Variants in DGKA observed in about 807,000 individuals in gnomAD.
DGKA encodes 80 kDa diacylglycerol kinase.
In DGKA, 35 loss-of-function variants were observed where a neutral mutation model predicts 105.0. The ratio of observed to expected loss-of-function variants is 0.33; its 90% CI spans 0.25 to 0.44. The LOEUF is 0.44. Ranked by LOEUF, DGKA falls within the 20% of genes least tolerant of loss-of-function variation. DGKA has a pLI of 1.00. For synonymous variants in DGKA, 296 were observed against 332.0 expected, an observed-to-expected ratio of 0.89 and a Z score of 1.18; for missense variants, 665 against 915.0, an observed-to-expected ratio of 0.73 and a Z score of 3.53.
upstream of DGKA, among the ~76,000 whole-genome samples, chr12:55,928,751 T>C (rs1173806071): frequency 1.4e-5 from 2 of 144,122 alleles, no homozygotes; most frequent in Non-Finnish European, 3.0e-5. Context: ...ATAAGACAAA[T>C]TAGGCCTCAG....
intron 1 of DGKA, chr12:55,935,904 C>T: frequency 1.0e-6 from 1 of 986,356 alleles, no homozygotes; most frequent in African/African-American, 1.7e-5. Flanking sequence ...GAGCTGGGGT[C>T]CCTGGCCAGA....
rs58181967 is a variant in DGKA, at chr12:55,953,554, G to A, written c.2125-131G>A. The A allele has an allele frequency of 3.4e-3, 4,526 of 1,330,350 alleles. 133 individuals are homozygous for A. In the African/African-American group the frequency reaches 0.058, roughly 17 times the overall value. 82.4% of individuals were successfully genotyped at this position (1,330,350 alleles called of 1,614,324 possible). On this transcript the variant is annotated intron_variant, in intron 23 of 23. Coordinates refer to ENST00000331886, the MANE Select transcript of DGKA (RefSeq NM_001345.5). The stretch of plus-strand genomic sequence containing the variant: ...CCTAAACCCTGATTTCTCAGCCCCT[G>A]GTTTCCCTATCGTGGCCTCTCTAGG...
At position 55,953,731 on chromosome 12, in the gene DGKA, C is replaced by T. The variant is rs748281315; in HGVS notation, c.2171C>T (p.Pro724Leu). ...KNQMPMLMGP[P>L]PRSTNFFGFL... ...CAGATGCCCATGCTCATGGGCCCACCCCCCCGCTCCACCAATTTCTTTGGC... is the reference window on the plus strand; with the variant it reads ...CAGATGCCCATGCTCATGGGCCCACTCCCCCGCTCCACCAATTTCTTTGGC... Residue 724 changes from proline (P) to leucine (L), a missense_variant, in exon 24 of 24, where the codon CCC (proline) becomes CTC (leucine). This residue lies in a region of DGKA where 158 missense variants were observed against 213.4 expected (regional missense o/e 0.74). Coordinates refer to ENST00000331886, the MANE Select transcript of DGKA (RefSeq NM_001345.5). 1.2e-6 allele frequency: 2 copies of T among 1,614,172 alleles called. No homozygotes were observed. Among genetic ancestry groups the T allele is most frequent in the East Asian group, 2.2e-5 (1 of 44,876 alleles).
At chr12:55,927,716 G>C, upstream of DGKA, 1 of 1,539,802 alleles carries the variant, frequency 6.5e-7, no homozygotes, top group Non-Finnish European at 8.7e-7. Context: ...GGCGCCGCGG[G>C]TCGGTCACCT....
At chr12:55,928,014 T>C (rs1054397132), upstream of DGKA, 25 of 537,498 alleles carry the variant, frequency 4.7e-5, no homozygotes, top group Non-Finnish European at 7.9e-5. Context: ...AACTCGCCAA[T>C]AATCCGGTCC....
chr12:55,940,654 C>T lies in DGKA; in HGVS notation c.949C>T (p.His317Tyr), dbSNP rs759697821. 2 of 1,596,044 alleles carry T rather than the reference C, an allele frequency of 1.3e-6. No homozygotes were observed. Among genetic ancestry groups the T allele is most frequent in the African/African-American group, 2.7e-5 (2 of 73,660 alleles). Residue 317 changes from histidine to tyrosine, a missense_variant, in exon 12 of 24, where the codon CAT becomes TAT. Physicochemically the swap from His to Tyr is moderately conservative, Grantham distance 83. This residue lies in a region of DGKA where 504 missense variants were observed against 681.2 expected (regional missense o/e 0.74). Transcript: ENST00000331886. The surrounding 1 kb of genome is among the most constrained non-coding windows in gnomAD (Gnocchi z 4.3). Reference sequence around the variant, plus strand: ...CGATGACTGCCTGCAAGCGGTGGGCCATGAGTGTGACTGTGGGCTGCTCCG... The same window carrying T: ...CGATGACTGCCTGCAAGCGGTGGGCTATGAGTGTGACTGTGGGCTGCTCCG... The part of the protein sequence containing the change: ...IHDDCLQAVG[H>Y]ECDCGLLRDH...
intron 1 of DGKA, among the ~76,000 whole-genome samples, chr12:55,934,263 C>A (rs1036082773): frequency 1.3e-5 from 2 of 152,138 alleles, no homozygotes; most frequent in African/African-American, 4.8e-5. Context: ...TTTCCTAGAA[C>A]TTTGGAGTCA....
rs774476695 is a variant in DGKA at position 55,953,340 on chromosome 12, C to A, written c.2064-10C>A. On this transcript the variant is annotated splice_polypyrimidine_tract_variant and intron_variant, in intron 22 of 23. Transcript: ENST00000331886. ...TAAGGAAATCACCAATGTTCCTTGG[C>A]CTCCTATAGCACCACAAAAACCCTT... 1.2e-6 allele frequency: 2 copies of A among 1,614,058 alleles called. No homozygotes were observed. Among genetic ancestry groups the A allele is most frequent in the Non-Finnish European group, 1.7e-6 (2 of 1,179,988 alleles).
intron 15 of DGKA, 101 bp from the exon 16 acceptor site, chr12:55,941,897 G>A (rs1886086211): frequency 3.7e-5 from 45 of 1,214,298 alleles, no homozygotes; most frequent in Non-Finnish European, 5.4e-5. Flanking sequence ...AAAGGAGGAG[G>A]GTCCTACGGA....
rs1219321126 is a variant in DGKA, at chr12:55,940,382, C to G, written c.867C>G (p.Ile289Met). 1.2e-6 allele frequency: 2 copies of G among 1,614,156 alleles called. No homozygotes were observed. Among genetic ancestry groups the G allele is most frequent in the African/African-American group, 1.3e-5 (1 of 74,948 alleles). Residue 289 changes from isoleucine (I) to methionine (M), a missense_variant, in exon 11 of 24, where the codon ATC (isoleucine) becomes ATG (methionine). Physicochemically the swap from Ile to Met is conservative, Grantham distance 10 (BLOSUM62 1). Coordinates refer to ENST00000331886, the MANE Select transcript of DGKA (RefSeq NM_001345.5). This position sits in a 1 kb window ranked among gnomAD's most constrained non-coding sequence, Gnocchi z 4.3. The part of the protein sequence containing the change: ...SGRCDRCQKK[I>M]RIYHSLTGLH... The stretch of plus-strand genomic sequence containing the variant: ...GCTGCGACCGCTGTCAGAAAAAGAT[C>G]CGGATCTACCACAGTCTGACCGGGC...
intron 1 of DGKA, among the ~76,000 whole-genome samples, chr12:55,934,591 A>G (rs1884282840): frequency 6.6e-6 from 1 of 152,192 alleles, no homozygotes; most frequent in Non-Finnish European, 1.5e-5. Context: ...TGAACACCCA[A>G]ACTGCTTCCC....
At chr12:55,942,284 T>G in intron 17 of DGKA, 21 bp downstream of exon 17, 5 of 1,612,224 alleles carry the variant, frequency 3.1e-6, no homozygotes, top group Non-Finnish European at 3.4e-6. Context: ...AGAAATTGTT[T>G]TGCTGTAGGC....
chr12:55,942,306 G>A (rs1309957930), intron 17 of DGKA, 43 bp downstream of exon 17: 6 of 1,588,444 alleles, frequency 3.8e-6, no homozygotes, highest in Non-Finnish European at 5.2e-6. Context: ...GAGAGGAGTT[G>A]TGTAGGAAGG....
chr12:55,928,953 C>T (rs929805164), upstream of DGKA, among the ~76,000 whole-genome samples: 13 of 151,680 alleles, frequency 8.6e-5, no homozygotes, highest in African/African-American at 1.9e-4. Flanking sequence ...GTCAGGAGTT[C>T]GAGACCAGCC....
Position 55,936,186 on chromosome 12 carries a change from C to A in DGKA, c.-81-237C>A. 4 of 536,610 alleles carry A rather than the reference C, an allele frequency of 7.5e-6. No individual in the cohort carries two copies. In the South Asian group the frequency reaches 1.2e-4, roughly 16 times the overall value. 33.2% of individuals were successfully genotyped at this position (536,610 alleles called of 1,614,324 possible). The stretch of plus-strand genomic sequence containing the variant: ...TAGGTTGGGGGAGAGGGAGAAGGAT[C>A]CAGAAATGGAGAGACAGAGATGAGT... On this transcript the variant is annotated intron_variant, in intron 1 of 23. Transcript: ENST00000331886.
At position 55,938,019 on chromosome 12, in the gene DGKA, C is replaced by A; in HGVS notation, c.316C>A (p.Leu106Met). ...LNDVSCYFSL[L>M]EGGRPEDKLE... ...TGATGTTTCCTGCTACTTTTCCCTTCTGGAGGGTGGTCGGCCAGAAGACAA... is the reference window on the plus strand; with the variant it reads ...TGATGTTTCCTGCTACTTTTCCCTTATGGAGGGTGGTCGGCCAGAAGACAA... Residue 106 changes from leucine (L) to methionine (M), a missense_variant, in exon 5 of 24, where the codon CTG (leucine) becomes ATG (methionine). Leu to Met is a conservative substitution (Grantham distance 15). Around this residue, in one of 3 missense-constraint regions of DGKA, gnomAD observed 504 missense variants for 681.2 expected, o/e 0.74. Transcript: ENST00000331886. 1 of 1,614,124 alleles carries A rather than the reference C, an allele frequency of 6.2e-7. No homozygotes were observed. The highest frequency in any genetic ancestry group is 8.5e-7 in the Non-Finnish European group (1 of 1,180,022).
At position 55,952,140 on chromosome 12, in the gene DGKA, A is replaced by G. The variant is rs1207286765; in HGVS notation, c.1652+41A>G. The G allele has an allele frequency of 6.2e-7, 1 of 1,612,436 alleles. No individual in the cohort carries two copies. The highest frequency in any genetic ancestry group is 8.5e-7 in the Non-Finnish European group (1 of 1,178,728). ...GGGCAGTGTGGGCATACACAGTGTCAGGAGCCAGGTTTTGACCAAGTTTGA... is the reference window on the plus strand; with the variant it reads ...GGGCAGTGTGGGCATACACAGTGTCGGGAGCCAGGTTTTGACCAAGTTTGA... On this transcript the variant is annotated intron_variant, in intron 19 of 23. Coordinates refer to ENST00000331886, the MANE Select transcript of DGKA (RefSeq NM_001345.5). The surrounding 1 kb of genome is among the most constrained non-coding windows in gnomAD (Gnocchi z 5.1).
chr12:55,950,723 G>C (rs1887993428), intron 17 of DGKA, among the ~76,000 whole-genome samples: 1 of 151,962 alleles, frequency 6.6e-6, no homozygotes, highest in Admixed American at 6.6e-5. Flanking sequence ...CTACAGGAGT[G>C]AGCCACTGTG....
Position 55,936,547 on chromosome 12 carries a change from A to C in DGKA, c.44A>C (p.Gln15Pro). 1 of 1,614,194 alleles carries C rather than the reference A, an allele frequency of 6.2e-7. No homozygotes were observed. Among genetic ancestry groups the C allele is most frequent in the African/African-American group, 1.3e-5 (1 of 75,052 alleles). Reference sequence around the variant, plus strand: ...CTAATAAGCCCCAGTGATTTTGCCCAGCTGCAAAAATACATGGAATGTGAG... The same window carrying C: ...CTAATAAGCCCCAGTGATTTTGCCCCGCTGCAAAAATACATGGAATGTGAG... ...RGLISPSDFA[Q>P]LQKYMEYSTK... The change falls in exon 2 of 24, where the codon CAG (glutamine) becomes CCG (proline). Residue 15 changes from glutamine to proline, a missense_variant. By Grantham distance (76) the Gln-to-Pro change is moderately conservative. Coordinates refer to ENST00000331886, the MANE Select transcript of DGKA (RefSeq NM_001345.5).
Sources: gnomAD v4.1 joint callset for allele counts (sites outside exome capture counted in the v4.1 genomes callset) on GRCh38, gnomAD v4.1.1 for gene constraint, gnomAD v4.1.1 regional missense constraint, Gnocchi (gnomAD v3.1) non-coding constraint, MANE v1.5 for transcripts, NCBI Gene and HGNC (gene_info 2026-07-23, HGNC 2026-07-21) for gene names.